The following SPAG6 variants were observed in gnomAD, a reference collection of about 807,000 sequenced individuals.
SPAG6 encodes the protein sperm-associated antigen 6.
A neutral mutation model predicts 58.5 loss-of-function variants in SPAG6; 49 were observed. That is an observed-to-expected ratio of 0.84 (90% CI 0.67 to 1.06). The LOEUF (loss-of-function observed/expected upper bound fraction) is 1.06. Among genes scored for constraint, SPAG6 ranks in the 50% least tolerant of loss-of-function variants. SPAG6 has a pLI of 0.00. For synonymous variants in SPAG6, 233 were observed against 225.6 expected (o/e 1.03, Z -0.29); for missense variants, 560 against 611.3 (o/e 0.92, Z 0.89).
At chr10:22,358,047 G>A (rs1356097582) in intron 2 of SPAG6, among the ~76,000 whole-genome samples, 10 of 151,938 alleles carry the variant, frequency 6.6e-5, no homozygotes, top group South Asian at 2.1e-4. Flanking sequence ...ATAAACATAC[G>A]TGTGCATGTG....
chr10:22,412,006 G>A lies in SPAG6; in HGVS notation c.1460+830G>A, dbSNP rs549001531. ...TGGTACTACAGACGCCCGCCATCACGCCCAGCTAATTTTTTTGTATTTTTA... is the reference window on the plus strand; with the variant it reads ...TGGTACTACAGACGCCCGCCATCACACCCAGCTAATTTTTTTGTATTTTTA... On this transcript the variant is annotated intron_variant, in intron 10 of 10. Coordinates refer to ENST00000376624, the MANE Select transcript of SPAG6 (RefSeq NM_012443.4). Among the ~76,000 whole-genome samples the A allele has an allele frequency of 2.9e-3, 443 of 151,918 alleles. 10 individuals carry two copies. Among genetic ancestry groups the A allele is most frequent in the Non-Finnish European group, 4.3e-4 (29 of 67,966 alleles).
At chr10:22,383,062 A>G (rs1833991544) in intron 4 of SPAG6, among the ~76,000 whole-genome samples, 1 of 152,232 alleles carries the variant, frequency 6.6e-6, no homozygotes, top group Admixed American at 6.5e-5. Flanking sequence ...ATATATTATA[A>G]AAATTTTTTG....
intron 9 of SPAG6, among the ~76,000 whole-genome samples, chr10:22,403,911 T>C (rs1464404980): frequency 6.6e-6 from 1 of 151,718 alleles, no homozygotes; most frequent in African/African-American, 2.4e-5. Context: ...TTTCATGTGT[T>C]GTTTGGCTGC....
intron 8 of SPAG6, among the ~76,000 whole-genome samples, chr10:22,393,657 C>T: frequency 6.6e-6 from 1 of 152,158 alleles, no homozygotes; most frequent in East Asian, 1.9e-4. Flanking sequence ...AAAGTGGGAT[C>T]TTTACCAATC....
intron 9 of SPAG6, 72 bp downstream of exon 9, chr10:22,401,349 G>C: frequency 1.3e-6 from 1 of 786,340 alleles, no homozygotes; most frequent in Non-Finnish European, 2.2e-6. Flanking sequence ...TTTCTGTTGG[G>C]TCAGTAGCTT....
chr10:22,416,330 A>G (rs1202476677), intron 10 of SPAG6, among the ~76,000 whole-genome samples: 1 of 152,138 alleles, frequency 6.6e-6, no homozygotes, highest in East Asian at 1.9e-4. Flanking sequence ...TCTCTGTAAT[A>G]AAATATTGTC....
chr10:22,354,154 T>G (rs886327821), intron 2 of SPAG6, among the ~76,000 whole-genome samples: 1 of 152,196 alleles, frequency 6.6e-6, no homozygotes, highest in Non-Finnish European at 1.5e-5. Context: ...AAAGGCAATT[T>G]TAGCAGTCTT....
chr10:22,382,807 G>C (rs1384992075), intron 4 of SPAG6, among the ~76,000 whole-genome samples: 6 of 152,104 alleles, frequency 3.9e-5, no homozygotes, highest in Admixed American at 2.0e-4. Flanking sequence ...CCCAGCAGTA[G>C]CTATATGTAT....
At chr10:22,412,662 C>T (rs916479718) in intron 10 of SPAG6, 1 of 504,332 alleles carries the variant, frequency 2.0e-6, no homozygotes, top group East Asian at 3.4e-5. Flanking sequence ...ATCTCCGCCT[C>T]CCGGGTTCAA....
At chr10:22,393,728 G>A (rs990371017) in intron 8 of SPAG6, among the ~76,000 whole-genome samples, 5 of 152,036 alleles carry the variant, frequency 3.3e-5, no homozygotes, top group African/African-American at 9.7e-5. Flanking sequence ...ATTATTGTAG[G>A]GATTTGATCA....
intron 9 of SPAG6, among the ~76,000 whole-genome samples, chr10:22,403,585 C>T (rs1834471132): frequency 6.7e-6 from 1 of 149,264 alleles, no homozygotes; most frequent in South Asian, 2.1e-4. Flanking sequence ...AATAGTGCCA[C>T]AATAAACATA....
intron 9 of SPAG6, among the ~76,000 whole-genome samples, chr10:22,407,947 G>T (rs1332687166): frequency 2.7e-5 from 4 of 147,504 alleles, no homozygotes; most frequent in Admixed American, 2.0e-4. Flanking sequence ...TGAGGCTTCT[G>T]CATTCTTCAC....
intron 7 of SPAG6, 69 bp from the exon 8 acceptor site, chr10:22,391,660 G>T: frequency 7.2e-7 from 1 of 1,387,622 alleles, no homozygotes; most frequent in South Asian, 1.3e-5. Flanking sequence ...TCTCATGTTT[G>T]AGAGACATGG....
intron 9 of SPAG6, among the ~76,000 whole-genome samples, chr10:22,407,067 C>G (rs1180846044): frequency 6.6e-6 from 1 of 152,094 alleles, no homozygotes; most frequent in African/African-American, 2.4e-5. Flanking sequence ...ATATAGCACA[C>G]TGATGTGTCT....
chr10:22,413,688 G>GATACATAT (rs375826947), intron 10 of SPAG6, among the ~76,000 whole-genome samples: 1 of 141,614 alleles, frequency 7.1e-6, no homozygotes, highest in African/African-American at 2.8e-5. Flanking sequence ...TCAAATTTCT[G>GATACATAT]ATATATATAT....
At chr10:22,382,509 AGT>A (rs1313517256) in intron 4 of SPAG6, among the ~76,000 whole-genome samples, 3 of 152,304 alleles carry the variant, frequency 2.0e-5, no homozygotes, top group Middle Eastern at 3.4e-3. Context: ...CAGCAGGGTA[AGT>A]GTGAAAAAGT....
intron 2 of SPAG6, among the ~76,000 whole-genome samples, chr10:22,346,485 TTCTTCTTCTTCTTTC>T (rs1176666645): frequency 1.0e-4 from 14 of 139,252 alleles, no homozygotes; most frequent in African/African-American, 4.3e-4. Flanking sequence ...CTTCTTCTTC[TTCTTCTTCTTCTTTC>T]TTCTTCTTCT....
At chr10:22,391,627 G>T in intron 7 of SPAG6, 102 bp from the exon 8 acceptor site, 1 of 1,007,768 alleles carries the variant, frequency 9.9e-7, no homozygotes, top group East Asian at 2.6e-5. Flanking sequence ...AAGAAAAAAA[G>T]GATCAAGGCC....
chr10:22,389,894 T>C (rs1428491969), intron 7 of SPAG6, among the ~76,000 whole-genome samples: 2 of 152,232 alleles, frequency 1.3e-5, no homozygotes, highest in Non-Finnish European at 2.9e-5. Context: ...ACCCCTCATC[T>C]AGTGCAGCCC....
Sources: gnomAD v4.1 joint callset for allele counts (sites outside exome capture counted in the v4.1 genomes callset) on GRCh38, gnomAD v4.1.1 for gene constraint, MANE v1.5 for transcripts, NCBI Gene and HGNC (gene_info 2026-07-23, HGNC 2026-07-21) for gene names.